Variants in RGL1 observed in about 807,000 individuals in gnomAD.
RGL1 encodes the protein ral guanine nucleotide dissociation stimulator-like 1.
RGL1 carries 24 observed loss-of-function variants against 95.2 expected under a neutral mutation model. The observed-to-expected ratio is 0.25, with a 90% confidence interval of 0.18 to 0.35. The LOEUF (loss-of-function observed/expected upper bound fraction) is 0.35, where lower values mean the gene tolerates loss of function less well. Among genes scored for constraint, RGL1 ranks in the 10% least tolerant of loss-of-function variants. The pLI is 1.00. For synonymous variants in RGL1, 329 were observed against 344.9 expected (o/e 0.95, Z 0.51); for missense variants, 715 against 936.3 (o/e 0.76, Z 3.08).
At chr1:183,669,177 C>T (rs1164250106) in intron 1 of RGL1, among the ~76,000 whole-genome samples, 5 of 151,946 alleles carry the variant, frequency 3.3e-5, no homozygotes, top group African/African-American at 7.3e-5. Context: ...CTCATGACCT[C>T]GTGATCCACC....
chr1:183,888,547 G>A lies in RGL1; in HGVS notation c.1025G>A (p.Arg342Gln), dbSNP rs369508911. 21 of 1,613,038 alleles carry A rather than the reference G, an allele frequency of 1.3e-5. No individual in the cohort carries two copies. The Admixed American group carries it at 1.5e-4, about 12-fold the overall frequency. ...GCACTGCAGTCTAATTCCATCTATCGGTTAAAAAAGACTTGGGCTGCCGTC... is the reference window on the plus strand; with the variant it reads ...GCACTGCAGTCTAATTCCATCTATCAGTTAAAAAAGACTTGGGCTGCCGTC... ...VSALQSNSIY[R>Q]LKKTWAAVPR... The change falls in exon 8 of 18, where the codon CGG becomes CAG. Residue 342 changes from arginine to glutamine, a missense_variant. Physicochemically the swap from Arg to Gln is conservative, Grantham distance 43 (BLOSUM62 1). This residue lies in a region of RGL1 where 381 missense variants were observed against 484.8 expected (regional missense o/e 0.79). Transcript: ENST00000360851.
intron 2 of RGL1, among the ~76,000 whole-genome samples, chr1:183,747,082 T>A (rs972721768): frequency 6.6e-6 from 1 of 152,206 alleles, no homozygotes; most frequent in East Asian, 1.9e-4. Context: ...TGGTTCCAAG[T>A]CTTTGCTATT....
intron 2 of RGL1, among the ~76,000 whole-genome samples, chr1:183,836,474 G>A (rs1663663437): frequency 6.6e-6 from 1 of 150,562 alleles, no homozygotes; most frequent in Non-Finnish European, 1.5e-5. Context: ...TCTCCATGTT[G>A]GCCAGGATGA....
At chr1:183,884,659 A>G in intron 6 of RGL1, 64 bp from the exon 7 acceptor site, 2 of 1,385,602 alleles carry the variant, frequency 1.4e-6, no homozygotes, top group Non-Finnish European at 2.0e-6. Context: ...AATGACCCAG[A>G]TGACATGCTT....
At chr1:183,774,965 G>A (rs907746161) in intron 2 of RGL1, among the ~76,000 whole-genome samples, 1 of 152,104 alleles carries the variant, frequency 6.6e-6, no homozygotes, top group Non-Finnish European at 1.5e-5. Context: ...ACAGCATCCA[G>A]ACAATGAGAC....
intron 14 of RGL1, among the ~76,000 whole-genome samples, chr1:183,910,282 G>A (rs1240381881): frequency 6.6e-6 from 1 of 152,160 alleles, no homozygotes; most frequent in Non-Finnish European, 1.5e-5. Flanking sequence ...TATTTTGGTA[G>A]AGATGGGGCT....
At chr1:183,820,605 A>G (rs914292182) in intron 2 of RGL1, among the ~76,000 whole-genome samples, 1 of 152,182 alleles carries the variant, frequency 6.6e-6, no homozygotes, top group African/African-American at 2.4e-5. Flanking sequence ...ATGTGGGTCC[A>G]GAACTCTCTA....
At chr1:183,787,898 T>TC (rs1660257940) in intron 2 of RGL1, among the ~76,000 whole-genome samples, 2 of 151,816 alleles carry the variant, frequency 1.3e-5, no homozygotes, top group African/African-American at 4.8e-5. Flanking sequence ...CTCTTACAGC[T>TC]CCCCTTCACC....
At chr1:183,658,257 T>C (rs931611987) in intron 1 of RGL1, among the ~76,000 whole-genome samples, 6 of 152,194 alleles carry the variant, frequency 3.9e-5, no homozygotes, top group Admixed American at 3.9e-4. Context: ...GGGCGAGGCA[T>C]TGCCTCACTC....
chr1:183,915,339 A>G (rs1023331626), intron 15 of RGL1, among the ~76,000 whole-genome samples: 2 of 152,224 alleles, frequency 1.3e-5, no homozygotes, highest in Non-Finnish European at 2.9e-5. Context: ...GAAATTCTTT[A>G]TAATTTTCTA....
intron 2 of RGL1, among the ~76,000 whole-genome samples, chr1:183,775,179 C>A (rs1221228513): frequency 6.6e-6 from 1 of 152,336 alleles, no homozygotes; most frequent in African/African-American, 2.4e-5. Flanking sequence ...CAGTGATTGA[C>A]TTTCTGTGCT....
At chr1:183,863,286 T>C (rs534105876) in intron 3 of RGL1, among the ~76,000 whole-genome samples, 8 of 152,190 alleles carry the variant, frequency 5.3e-5, no homozygotes, top group African/African-American at 1.9e-4. Flanking sequence ...ATGGGAGGGT[T>C]TCTCCCTTTT....
intron 2 of RGL1, among the ~76,000 whole-genome samples, chr1:183,834,397 C>A (rs1663486602): frequency 6.6e-6 from 1 of 152,034 alleles, no homozygotes; most frequent in African/African-American, 2.4e-5. Context: ...TCATTTTTTC[C>A]TGACTGCCAC....
At chr1:183,833,847 A>G (rs915684954) in intron 2 of RGL1, among the ~76,000 whole-genome samples, 1 of 152,154 alleles carries the variant, frequency 6.6e-6, no homozygotes, top group Non-Finnish European at 1.5e-5. Context: ...GATTCGGTTA[A>G]TGGCCCTACC....
intron 14 of RGL1, among the ~76,000 whole-genome samples, chr1:183,911,164 C>T (rs971561294): frequency 5.3e-5 from 8 of 152,154 alleles, no homozygotes; most frequent in Non-Finnish European, 1.0e-4. Flanking sequence ...AGTTTACTAG[C>T]GGTGTCACCG....
At chr1:183,776,679 A>C (rs1659622233) in intron 2 of RGL1, among the ~76,000 whole-genome samples, 2 of 152,196 alleles carry the variant, frequency 1.3e-5, no homozygotes, top group Admixed American at 1.3e-4. Flanking sequence ...TAGAGACTAC[A>C]GGGAATGGAG....
intron 2 of RGL1, among the ~76,000 whole-genome samples, chr1:183,750,958 C>G (rs1431709566): frequency 2.0e-5 from 3 of 152,222 alleles, no homozygotes; most frequent in African/African-American, 7.2e-5. Context: ...GGGCACCTGC[C>G]AGGTGCCAGC....
chr1:183,862,901 A>G (rs546140195), intron 3 of RGL1, among the ~76,000 whole-genome samples: 1 of 152,242 alleles, frequency 6.6e-6, no homozygotes, highest in African/African-American at 2.4e-5. Flanking sequence ...AACAAAATGA[A>G]CTACACAGTA....
At chr1:183,663,905 C>T (rs1347192455) in intron 1 of RGL1, among the ~76,000 whole-genome samples, 1 of 151,280 alleles carries the variant, frequency 6.6e-6, no homozygotes, top group Admixed American at 6.6e-5. Flanking sequence ...GAGTTCATGT[C>T]CTTTGTAGGG....
Sources: gnomAD v4.1 joint callset for allele counts (sites outside exome capture counted in the v4.1 genomes callset) on GRCh38, gnomAD v4.1.1 for gene constraint, gnomAD v4.1.1 regional missense constraint, MANE v1.5 for transcripts, NCBI Gene and HGNC (gene_info 2026-07-23, HGNC 2026-07-21) for gene names.